The following TTC7A variants were observed in gnomAD, a reference collection of about 807,000 sequenced individuals.
TTC7A encodes the protein tetratricopeptide repeat domain 7A.
TTC7A carries 110 observed loss-of-function variants against 103.7 expected under a neutral mutation model. The ratio of observed to expected loss-of-function variants is 1.06; its 90% CI spans 0.91 to 1.24. The LOEUF (loss-of-function observed/expected upper bound fraction) is 1.24, where lower values mean the gene tolerates loss of function less well. TTC7A is among the 50% of genes most tolerant of loss of function. The pLI, the probability that TTC7A is intolerant of heterozygous loss-of-function variation, is 0.00. For synonymous variants in TTC7A, 521 were observed against 467.9 expected, an observed-to-expected ratio of 1.11 and a Z score of -1.47; for missense variants, 1,340 against 1,116.3, an observed-to-expected ratio of 1.20 and a Z score of -2.86.
chr2:47,033,664 A>T (rs752900697), intron 15 of TTC7A, among the ~76,000 whole-genome samples: 6 of 152,210 alleles, frequency 3.9e-5, no homozygotes, highest in Non-Finnish European at 7.3e-5. Flanking sequence ...CAAAAGACAG[A>T]CACCTGCTCT....
At chr2:46,920,706 A>G (rs6741399) in intron 2 of TTC7A, among the ~76,000 whole-genome samples, 12,731 of 151,646 alleles carry the variant, frequency 0.084, 981 homozygotes, top group African/African-American at 0.2. Flanking sequence ...GACATCCCAT[A>G]TCTCTTGAAA....
intron 18 of TTC7A, among the ~76,000 whole-genome samples, chr2:47,053,215 G>T (rs1021597429): frequency 6.6e-6 from 1 of 152,164 alleles, no homozygotes; most frequent in African/African-American, 2.4e-5. Flanking sequence ...AGCTTGTTGG[G>T]TTTTAAGTAG....
chr2:46,947,020 A>G (rs1671003318), intron 1 of TTC7A, among the ~76,000 whole-genome samples: 1 of 152,200 alleles, frequency 6.6e-6, no homozygotes, highest in Non-Finnish European at 1.5e-5. Flanking sequence ...TCAACAAAGT[A>G]GTCTGAAAGT....
chr2:47,060,964 A>C lies in TTC7A; in HGVS notation c.2348A>C (p.His783Pro), dbSNP rs1406323533. 6.2e-7 allele frequency: 1 copy of C among 1,609,798 alleles called. No homozygotes were observed. Among genetic ancestry groups the C allele is most frequent in the Non-Finnish European group, 8.5e-7 (1 of 1,177,472 alleles). ...TVNPDGVRIMHSLGLMLSRLG... is the reference protein window; with the variant it reads ...TVNPDGVRIMPSLGLMLSRLG... ...AACCCAGATGGCGTGCGCATCATGC[A>C]TAGCCTGGTGAGTCAGAGCCCCCCG... Residue 783 changes from histidine (H) to proline (P), a missense_variant, in exon 19 of 20, where the codon CAT becomes CCT. Coordinates refer to ENST00000319190, the MANE Select transcript of TTC7A (RefSeq NM_020458.4).
chr2:47,016,126 G>C (rs903063188), intron 11 of TTC7A, among the ~76,000 whole-genome samples: 1 of 152,188 alleles, frequency 6.6e-6, no homozygotes, highest in Non-Finnish European at 1.5e-5. Flanking sequence ...GAGTGTGTGA[G>C]CAAGAAGCCA....
chr2:46,961,011 T>C (rs1672322299), intron 3 of TTC7A, among the ~76,000 whole-genome samples: 1 of 152,198 alleles, frequency 6.6e-6, no homozygotes, highest in South Asian at 2.1e-4. Context: ...GAAAATTTGC[T>C]TTTATATTTC....
At position 47,023,401 on chromosome 2, in the gene TTC7A, C is replaced by T. The variant is rs776623213; in HGVS notation, c.1511-7C>T. ...TGATGGCTCAGTTTCTGTCCTGTCC[C>T]CTGCAGCCACCCTGAAGTCCAAGCA... On this transcript the variant is annotated splice_region_variant and splice_polypyrimidine_tract_variant and intron_variant, in intron 12 of 19. Transcript: ENST00000319190. The T allele has an allele frequency of 1.9e-6, 3 of 1,613,922 alleles. No individual in the cohort carries two copies. Among genetic ancestry groups the T allele is most frequent in the Non-Finnish European group, 1.7e-6 (2 of 1,179,968 alleles).
In TTC7A at chr2:47,074,149, C is replaced by T. The variant is rs926460471; in HGVS notation, c.*226C>T. The T allele has an allele frequency of 1.7e-5, 10 of 576,262 alleles. No individual in the cohort carries two copies. The highest frequency in any genetic ancestry group is 1.5e-4 in the African/African-American group (8 of 53,356). 35.7% of individuals were successfully genotyped at this position (576,262 alleles called of 1,614,324 possible). A position where few individuals can be genotyped will look rare whatever the true frequency, so the allele number is the denominator to read the frequency against. ...ACAGTCTGACTTGAACCCTAAGTGCCTTTGGAGAGTTTTGTGGTGACCAGA... is the reference window on the plus strand; with the variant it reads ...ACAGTCTGACTTGAACCCTAAGTGCTTTTGGAGAGTTTTGTGGTGACCAGA... On this transcript the variant is annotated 3_prime_UTR_variant, in exon 20 of 20. Transcript: ENST00000319190.
chr2:47,023,525 C>G, intron 13 of TTC7A, 60 bp downstream of exon 13: 1 of 1,551,948 alleles, frequency 6.4e-7, no homozygotes, highest in Non-Finnish European at 8.9e-7. Context: ...GATTCACAAG[C>G]TTTACGTCAT....
chr2:47,057,532 G>A (rs1683417473), intron 18 of TTC7A, among the ~76,000 whole-genome samples: 1 of 152,188 alleles, frequency 6.6e-6, no homozygotes. Context: ...GGCAGCCTCT[G>A]GAGACAGCGC....
At chr2:47,023,279 T>C (rs1344392797) in intron 12 of TTC7A, 129 bp from the exon 13 acceptor site, 1 of 939,224 alleles carries the variant, frequency 1.1e-6, no homozygotes, top group Non-Finnish European at 1.6e-6. Flanking sequence ...TGCTGGAGTT[T>C]GAAGTTTGCC....
At chr2:46,980,308 G>C (rs546551153) in intron 5 of TTC7A, among the ~76,000 whole-genome samples, 1 of 145,794 alleles carries the variant, frequency 6.9e-6, no homozygotes, top group African/African-American at 2.6e-5. Context: ...TACCTCCTGC[G>C]TTCTGGGCTC....
chr2:47,042,108 C>A (rs767891298), intron 15 of TTC7A, among the ~76,000 whole-genome samples: 17 of 151,980 alleles, frequency 1.1e-4, no homozygotes, highest in African/African-American at 1.7e-4. Context: ...GAATAAAGGT[C>A]CTTTTGTTAT....
At chr2:46,997,251 T>G (rs1358853774) in intron 8 of TTC7A, among the ~76,000 whole-genome samples, 1 of 152,130 alleles carries the variant, frequency 6.6e-6, no homozygotes, top group African/African-American at 2.4e-5. Context: ...AGTGCTGGGA[T>G]TACAGGCATG....
At chr2:47,042,282 A>G (rs369048751) in intron 15 of TTC7A, among the ~76,000 whole-genome samples, 2 of 152,172 alleles carry the variant, frequency 1.3e-5, no homozygotes, top group African/African-American at 4.8e-5. Flanking sequence ...CAGGAGGATC[A>G]TTTGAGCCCA....
At chr2:47,022,025 C>T (rs746390043) in intron 12 of TTC7A, 46 bp downstream of exon 12, 3 of 1,430,988 alleles carry the variant, frequency 2.1e-6, no homozygotes, top group Non-Finnish European at 2.9e-6. Context: ...ATGGCTCAGG[C>T]TTCCTAACTG....
At chr2:47,000,012 C>A in intron 8 of TTC7A, 1 of 584,554 alleles carries the variant, frequency 1.7e-6, no homozygotes, top group Non-Finnish European at 2.2e-6. Context: ...CCTGGTTGAG[C>A]TTCTTACCAC....
chr2:46,989,648 A>G (rs1378591076), intron 5 of TTC7A, among the ~76,000 whole-genome samples: 1 of 150,956 alleles, frequency 6.6e-6, no homozygotes, highest in Non-Finnish European at 1.5e-5. Flanking sequence ...AAGGACATTC[A>G]ATAAAAATTG....
At chr2:46,974,941 G>T in intron 3 of TTC7A, 32 bp from the exon 4 acceptor site, 1 of 1,609,880 alleles carries the variant, frequency 6.2e-7, no homozygotes, top group Admixed American at 1.7e-5. Context: ...GCCCGAGCAG[G>T]ACAGGTCTGA....
Sources: allele counts gnomAD v4.1 joint callset (sites outside exome capture counted in the v4.1 genomes callset), GRCh38; gene constraint gnomAD v4.1.1; transcripts MANE v1.5; gene names NCBI Gene and HGNC (gene_info 2026-07-23, HGNC 2026-07-21).